MYO10: variants seen among roughly 807,000 people sequenced by gnomAD.
The protein encoded by MYO10 is unconventional myosin-X.
A neutral mutation model predicts 257.3 loss-of-function variants in MYO10; 133 were observed. The observed-to-expected ratio is 0.52, with a 90% CI of 0.45 to 0.60. MYO10 has a LOEUF of 0.60. Ranked by LOEUF, MYO10 falls within the 20% of genes least tolerant of loss-of-function variation. The probability of loss-of-function intolerance (pLI) is 0.00; values close to 1 mark genes in which losing one functional copy is unlikely to be tolerated. For synonymous variants in MYO10, 1,104 were observed against 1,028.6 expected (o/e 1.07, Z -1.40); for missense variants, 2,399 against 2,635.7 (o/e 0.91, Z 1.97).
chr5:16,875,199 A>G (rs1443962673), intron 2 of MYO10, among the ~76,000 whole-genome samples: 1 of 150,380 alleles, frequency 6.6e-6, no homozygotes, highest in Non-Finnish European at 1.5e-5. Context: ...CTATTTTACA[A>G]CGCTTTCAGG....
intron 1 of MYO10, among the ~76,000 whole-genome samples, chr5:16,932,766 TAATC>T (rs1314490093): frequency 3.4e-5 from 5 of 147,044 alleles, no homozygotes; most frequent in African/African-American, 1.3e-4. Flanking sequence ...TCTATCTAAT[TAATC>T]AATCAATCTA....
chr5:16,672,809 A>C lies in MYO10; in HGVS notation c.5189T>G (p.Ile1730Ser). ...GCTGTCCTCCATGGCCAGGCCTCGG[A>C]TCAGCTTCTCCACCACCTGGAAGAC... ...TTAGEVVEKL[I>S]RGLAMEDSRN... Residue 1730 changes from isoleucine (I) to serine (S), a missense_variant, in exon 37 of 41, where the codon ATC becomes AGC. Physicochemically the swap from Ile to Ser is moderately radical, Grantham distance 142. Transcript: ENST00000513610. The C allele has an allele frequency of 6.2e-7, 1 of 1,613,492 alleles. No homozygotes were observed.
In MYO10 at chr5:16,818,417, T is replaced by C. The variant is rs1253426105; in HGVS notation, c.121-250A>G. Among the ~76,000 whole-genome samples the C allele has an allele frequency of 2.0e-5, 3 of 149,664 alleles. No individual in the cohort carries two copies. The East Asian group carries it at 5.9e-4, about 30-fold the overall frequency. ...GTGTGTGTGTGTGTGTGTGTATATATATATATATACACATATCTTTGTTGT... is the reference window on the plus strand; with the variant it reads ...GTGTGTGTGTGTGTGTGTGTATATACATATATATACACATATCTTTGTTGT... On this transcript the variant is annotated intron_variant, in intron 2 of 40. Coordinates refer to ENST00000513610, the MANE Select transcript of MYO10 (RefSeq NM_012334.3).
chr5:16,666,866 A>G (rs939138658), intron 40 of MYO10, 73 bp from the exon 41 acceptor site: 6 of 1,246,468 alleles, frequency 4.8e-6, no homozygotes, highest in Non-Finnish European at 6.8e-6. Flanking sequence ...CTAATAATCC[A>G]GACATTCCCT....
At chr5:16,847,375 G>T (rs531270896) in intron 2 of MYO10, among the ~76,000 whole-genome samples, 5 of 151,028 alleles carry the variant, frequency 3.3e-5, no homozygotes, top group Non-Finnish European at 5.9e-5. Flanking sequence ...AGTGAGCCGA[G>T]ATGGTGCCAC....
Position 16,694,318 on chromosome 5 carries a change from C to T in MYO10, c.3800+53G>A, listed in dbSNP as rs570737520. On this transcript the variant is annotated intron_variant, in intron 27 of 40. Coordinates refer to ENST00000513610, the MANE Select transcript of MYO10 (RefSeq NM_012334.3). ...CTTGCACAGCATGGCTCTATGACCA[C>T]CAGCATAAACCATGAGCAACCCATC... is the stretch of plus-strand genomic sequence containing the variant. 18 of 1,608,570 alleles carry T rather than the reference C, an allele frequency of 1.1e-5. No homozygotes were observed. The East Asian group carries it at 3.3e-4, about 30-fold the overall frequency.
intron 2 of MYO10, among the ~76,000 whole-genome samples, chr5:16,824,189 A>G (rs1580041692): frequency 1.3e-5 from 2 of 152,182 alleles, no homozygotes; most frequent in East Asian, 3.9e-4. Flanking sequence ...AATTAAAATG[A>G]AAAAATAAAA....
Position 16,670,538 on chromosome 5 carries a change from C to A in MYO10, c.5871G>T (p.Leu1957=). The change falls in exon 39 of 41, where the codon CTG becomes CTT. Residue 1957 remains leucine (L), a synonymous_variant. Coordinates refer to ENST00000513610, the MANE Select transcript of MYO10 (RefSeq NM_012334.3). ...IKEWPGYGST[L]FDVECKEGGF... Reference sequence around the variant, plus strand: ...AGCCAGTTCTCACCTCCACATCAAACAGCGTCGAGCCATAGCCAGGCCACT... The same window carrying A: ...AGCCAGTTCTCACCTCCACATCAAAAAGCGTCGAGCCATAGCCAGGCCACT... 1 of 1,604,984 alleles carries A rather than the reference C, an allele frequency of 6.2e-7. No homozygotes were observed. Among genetic ancestry groups the A allele is most frequent in the Non-Finnish European group, 8.5e-7 (1 of 1,174,338 alleles).
In MYO10 at chr5:16,674,894, C is replaced by T. The variant is rs375794023; in HGVS notation, c.4923G>A (p.Pro1641=). Reference sequence around the variant, plus strand: ...TGAGATACTTGAGAATCCCTCGACTCGGCAGGAAGGTGCAGCTCAGGCATG... The same window carrying T: ...TGAGATACTTGAGAATCCCTCGACTTGGCAGGAAGGTGCAGCTCAGGCATG... ...ILTCLSCTFL[P]SRGILKYLKF... Residue 1641 remains proline (P), a synonymous_variant, in exon 35 of 41, where the codon CCG becomes CCA. Coordinates refer to ENST00000513610, the MANE Select transcript of MYO10 (RefSeq NM_012334.3). 79 of 1,613,988 alleles carry T rather than the reference C, an allele frequency of 4.9e-5. No homozygotes were observed. The highest frequency in any genetic ancestry group is 6.7e-5 in the East Asian group (3 of 44,892).
rs1737126312 is a variant in MYO10, at chr5:16,683,973, A to G, written c.3991-38T>C. The stretch of plus-strand genomic sequence containing the variant: ...AAAAAGTAAACAGAATGAGAGAAGC[A>G]CTAAAGTAGGGTGCACACTACAGTA... On this transcript the variant is annotated intron_variant, in intron 29 of 40. Coordinates refer to ENST00000513610, the MANE Select transcript of MYO10 (RefSeq NM_012334.3). The G allele has an allele frequency of 1.3e-6, 2 of 1,595,778 alleles. 1 individual carries two copies. Among genetic ancestry groups the G allele is most frequent in the Admixed American group, 3.4e-5 (2 of 58,988 alleles).
intron 19 of MYO10, among the ~76,000 whole-genome samples, chr5:16,751,491 CA>C (rs1740375727): frequency 6.6e-6 from 1 of 151,750 alleles, no homozygotes; most frequent in African/African-American, 2.4e-5. Flanking sequence ...TTTATTTTTT[CA>C]TTTTTTTGAG....
At chr5:16,676,261 G>A (rs373672398) in intron 33 of MYO10, 107 bp from the exon 34 acceptor site, 1 of 1,354,440 alleles carries the variant, frequency 7.4e-7, no homozygotes, top group Non-Finnish European at 1.0e-6. Context: ...CAAAGATGGT[G>A]GAAATCCAGT....
At chr5:16,862,092 G>A (rs1580085994) in intron 2 of MYO10, among the ~76,000 whole-genome samples, 1 of 152,182 alleles carries the variant, frequency 6.6e-6, no homozygotes, top group Admixed American at 6.5e-5. Context: ...ACTATGAGGA[G>A]GTCATGGCTT....
intron 2 of MYO10, among the ~76,000 whole-genome samples, chr5:16,876,280 T>C (rs1744602254): frequency 6.6e-6 from 1 of 152,206 alleles, no homozygotes; most frequent in South Asian, 2.1e-4. Context: ...CGTGCCAGGT[T>C]TCTCTTATAA....
chr5:16,903,313 G>A (rs1745437432), intron 1 of MYO10, among the ~76,000 whole-genome samples: 1 of 152,230 alleles, frequency 6.6e-6, no homozygotes, highest in Admixed American at 6.5e-5. Flanking sequence ...GCTGAGGCAG[G>A]AGAATCACTT....
intron 2 of MYO10, among the ~76,000 whole-genome samples, chr5:16,847,415 C>G (rs1451540618): frequency 2.2e-5 from 3 of 135,356 alleles, no homozygotes; most frequent in Admixed American, 2.2e-4. Flanking sequence ...CAGAGCGAGA[C>G]TCCACCTCAA....
chr5:16,903,699 C>T (rs1324536778), intron 1 of MYO10, among the ~76,000 whole-genome samples: 1 of 152,034 alleles, frequency 6.6e-6, no homozygotes, highest in Non-Finnish European at 1.5e-5. Context: ...GCTCAACAGC[C>T]TGAAAAAGGA....
In MYO10 at chr5:16,680,032, G is replaced by C; in HGVS notation, c.4457C>G (p.Thr1486Ser). Residue 1486 changes from threonine to serine, a missense_variant, in exon 33 of 41, where the codon ACC becomes AGC. Thr to Ser is a moderately conservative substitution (Grantham distance 58). This residue lies in a region of MYO10 where 1,820 missense variants were observed against 1,939.4 expected (regional missense o/e 0.94). Coordinates refer to ENST00000513610, the MANE Select transcript of MYO10 (RefSeq NM_012334.3). ...RLYTKLLNEA[T>S]RWSSAIQNVT... ...GTTTTGAATGGCACTGGACCACCGGGTGGCCTCGTTGAGCAGCTTGGTGTA... is the reference window on the plus strand; with the variant it reads ...GTTTTGAATGGCACTGGACCACCGGCTGGCCTCGTTGAGCAGCTTGGTGTA... The C allele has an allele frequency of 6.2e-7, 1 of 1,613,930 alleles. No homozygotes were observed. The highest frequency in any genetic ancestry group is 8.5e-7 in the Non-Finnish European group (1 of 1,179,856).
At chr5:16,765,612 A>G (rs1006330138) in intron 11 of MYO10, among the ~76,000 whole-genome samples, 1 of 152,234 alleles carries the variant, frequency 6.6e-6, no homozygotes, top group Admixed American at 6.5e-5. Context: ...TATTGTTTTC[A>G]TTATAACAAC....
Sources: allele counts gnomAD v4.1 joint callset (sites outside exome capture counted in the v4.1 genomes callset), GRCh38; gene constraint gnomAD v4.1.1; regional missense constraint gnomAD v4.1.1; transcripts MANE v1.5; gene names NCBI Gene and HGNC (gene_info 2026-07-23, HGNC 2026-07-21).